GALNT13: variants seen among roughly 807,000 people sequenced by gnomAD.
GALNT13 encodes polypeptide N-acetylgalactosaminyltransferase 13.
In GALNT13, 28 loss-of-function variants were observed where a neutral mutation model predicts 64.2. The ratio of observed to expected loss-of-function variants is 0.44; its 90% CI spans 0.32 to 0.60. GALNT13 has a LOEUF of 0.60. Ranked by LOEUF, GALNT13 falls within the 20% of genes least tolerant of loss-of-function variation. The probability of loss-of-function intolerance (pLI) is 0.05; values close to 1 mark genes in which losing one functional copy is unlikely to be tolerated. For missense variants in GALNT13, 577 were observed against 669.8 expected, an observed-to-expected ratio of 0.86 and a Z score of 1.53; for synonymous variants, 214 against 224.6, an observed-to-expected ratio of 0.95 and a Z score of 0.42.
chr2:153,810,014 G>A, the GALNT13 span, among the ~76,000 whole-genome samples: 1 of 152,152 alleles, frequency 6.6e-6, no homozygotes, highest in Non-Finnish European at 1.5e-5. Context: ...AGGCTGGAGT[G>A]CAGTGGTGCA....
chr2:153,493,367 A>G, the GALNT13 span, among the ~76,000 whole-genome samples: 1 of 152,114 alleles, frequency 6.6e-6, no homozygotes, highest in Admixed American at 6.5e-5. Flanking sequence ...GGAAAATAAT[A>G]GAATATTGTC....
At chr2:153,269,234 C>T in the GALNT13 span, among the ~76,000 whole-genome samples, 2 of 152,140 alleles carry the variant, frequency 1.3e-5, no homozygotes, top group Non-Finnish European at 2.9e-5. Context: ...ATGCATATGA[C>T]TAAACACTTT....
At chr2:153,520,005 T>A in the GALNT13 span, among the ~76,000 whole-genome samples, 1 of 152,150 alleles carries the variant, frequency 6.6e-6, no homozygotes, top group Non-Finnish European at 1.5e-5. Context: ...GCAGATGTGG[T>A]CCATCTTTAA....
At chr2:154,029,983 G>T (rs1479745465) in intron 3 of GALNT13, among the ~76,000 whole-genome samples, 1 of 152,118 alleles carries the variant, frequency 6.6e-6, no homozygotes, top group African/African-American at 2.4e-5. Flanking sequence ...TTGAAAACGG[G>T]TAAATTGAGA....
intron 3 of GALNT13, among the ~76,000 whole-genome samples, chr2:154,087,304 T>A (rs548476791): frequency 6.6e-6 from 1 of 152,214 alleles, no homozygotes; most frequent in African/African-American, 2.4e-5. Flanking sequence ...GGTACATATT[T>A]TTTTTAAGTC....
At chr2:153,925,348 A>C (rs1035881966) in intron 2 of GALNT13, among the ~76,000 whole-genome samples, 4 of 152,074 alleles carry the variant, frequency 2.6e-5, no homozygotes, top group African/African-American at 9.7e-5. Context: ...GGTTTGTCAA[A>C]GATCAGATAG....
the GALNT13 span, among the ~76,000 whole-genome samples, chr2:153,360,691 C>T: frequency 2.0e-5 from 3 of 152,030 alleles, no homozygotes; most frequent in Admixed American, 6.5e-5. Flanking sequence ...CAACTCCAGC[C>T]AGGGGCTCAG....
At chr2:154,030,025 T>C (rs533224967) in intron 3 of GALNT13, among the ~76,000 whole-genome samples, 4 of 152,226 alleles carry the variant, frequency 2.6e-5, no homozygotes, top group African/African-American at 9.6e-5. Context: ...TGCAATCTTC[T>C]GGGAAGTAGT....
chr2:153,691,909 T>TA, the GALNT13 span, among the ~76,000 whole-genome samples: 13 of 152,048 alleles, frequency 8.5e-5, no homozygotes, highest in Admixed American at 1.3e-4. Context: ...CTGATATTCT[T>TA]AAAAAAACAT....
intron 7 of GALNT13, among the ~76,000 whole-genome samples, chr2:154,258,819 A>G (rs375175129): frequency 6.6e-6 from 1 of 151,806 alleles, no homozygotes; most frequent in Non-Finnish European, 1.5e-5. Flanking sequence ...AAAAAAAAAA[A>G]CAAAAACTAA....
the GALNT13 span, among the ~76,000 whole-genome samples, chr2:153,411,972 CA>C: frequency 2.6e-5 from 4 of 152,212 alleles, no homozygotes; most frequent in South Asian, 8.3e-4. Flanking sequence ...ATCTGCTCGG[CA>C]CCATCTAATC....
At chr2:153,850,353 A>G in the GALNT13 span, among the ~76,000 whole-genome samples, 131,765 of 152,158 alleles carry the variant, frequency 0.87, 58,129 homozygotes, top group Non-Finnish European at 0.94. Context: ...GAAAACCCTA[A>G]AATAAAGACT....
intron 12 of GALNT13, chr2:154,446,668 C>T (rs1330314505): frequency 6.5e-7 from 1 of 1,548,404 alleles, no homozygotes; most frequent in Non-Finnish European, 8.7e-7. Context: ...AATGATAGCA[C>T]TTTGCAAAAA....
chr2:154,132,319 T>A (rs66483337), intron 3 of GALNT13, among the ~76,000 whole-genome samples: 1 of 130,216 alleles, frequency 7.7e-6, no homozygotes, highest in African/African-American at 3.0e-5. Context: ...TCATTGCTGA[T>A]ATATGCATAT....
At chr2:153,100,037 T>A in the GALNT13 span, among the ~76,000 whole-genome samples, 4 of 152,222 alleles carry the variant, frequency 2.6e-5, no homozygotes, top group Non-Finnish European at 5.9e-5. Flanking sequence ...TATATGATCC[T>A]CATTTAGTGC....
chr2:153,277,927 CT>C, the GALNT13 span, among the ~76,000 whole-genome samples: 12 of 80,114 alleles, frequency 1.5e-4, no homozygotes, highest in Admixed American at 8.0e-4. Context: ...TCTTTTCTTT[CT>C]TTTTTTTTTT....
chr2:154,076,074 T>G (rs1004683886), intron 3 of GALNT13, among the ~76,000 whole-genome samples: 3 of 151,660 alleles, frequency 2.0e-5, no homozygotes, highest in Non-Finnish European at 4.4e-5. Context: ...TCACATTACA[T>G]ATTTATTGTG....
chr2:153,111,620 T>G, the GALNT13 span, among the ~76,000 whole-genome samples: 27 of 152,222 alleles, frequency 1.8e-4, no homozygotes, highest in African/African-American at 5.1e-4. Context: ...AATTCTCAGC[T>G]CAATTTGGGT....
chr2:153,482,050 A>G, the GALNT13 span, among the ~76,000 whole-genome samples: 1 of 152,218 alleles, frequency 6.6e-6, no homozygotes, highest in Non-Finnish European at 1.5e-5. Context: ...GAAATAAGCA[A>G]AATAGTTTAT....
Sources: allele counts gnomAD v4.1 joint callset (sites outside exome capture counted in the v4.1 genomes callset), GRCh38; gene constraint gnomAD v4.1.1; transcripts MANE v1.5; gene names NCBI Gene and HGNC (gene_info 2026-07-23, HGNC 2026-07-21).